MMP17: variants seen among roughly 807,000 people sequenced by gnomAD.
MMP17 encodes the protein matrix metallopeptidase 17.
In MMP17, 54 loss-of-function variants were observed where a neutral mutation model predicts 49.1. The observed-to-expected ratio is 1.10, with a 90% CI of 0.88 to 1.38. The LOEUF (loss-of-function observed/expected upper bound fraction) is 1.38, where lower values mean the gene tolerates loss of function less well. MMP17 is among the 40% of genes most tolerant of loss of function. The pLI, the probability that MMP17 is intolerant of heterozygous loss-of-function variation, is 0.00. For missense variants in MMP17, 837 were observed against 853.7 expected (o/e 0.98, Z 0.24); for synonymous variants, 397 against 383.1 (o/e 1.04, Z -0.42).
Position 131,846,144 on chromosome 12 carries a change from C to T in MMP17, c.1204+695C>T, listed in dbSNP as rs188799261. 1.6e-3 allele frequency among the ~76,000 whole-genome samples: 240 copies of T among 152,226 alleles called. No individual in the cohort carries two copies. The highest frequency in any genetic ancestry group is 5.0e-3 in the African/African-American group (206 of 41,530). The stretch of plus-strand genomic sequence containing the variant: ...GACCCCCATGCTGGGCTGAAACACC[C>T]GGAGTTTCCCTCACAGTCTGGAGGC... On this transcript the variant is annotated intron_variant, in intron 8 of 9. Transcript: ENST00000360564. This position sits in a 1 kb window ranked among gnomAD's most constrained non-coding sequence, Gnocchi z 4.6.
In MMP17 at chr12:131,846,996, G is replaced by A. The variant is rs769047922; in HGVS notation, c.1204+1547G>A. ...GATCCCTCCTGAAGGGACAGAGGCT[G>A]CAGCTACCTGGGAGGCTGAGGCAGG... On this transcript the variant is annotated intron_variant, in intron 8 of 9. Transcript: ENST00000360564. This position sits in a 1 kb window ranked among gnomAD's most constrained non-coding sequence, Gnocchi z 4.6. 4.6e-5 allele frequency among the ~76,000 whole-genome samples: 7 copies of A among 151,974 alleles called. No homozygotes were observed. In the South Asian group the frequency reaches 6.2e-4, roughly 14 times the overall value.
rs571271084 is a variant in MMP17 at position 131,830,013 on chromosome 12, AC to A, written c.159+1361del. Among the ~76,000 whole-genome samples the A allele has an allele frequency of 7.0e-3, 1,064 of 152,182 alleles. 15 individuals are homozygous for A. The highest frequency in any genetic ancestry group is 0.025 in the African/African-American group (1,025 of 41,518). On this transcript the variant is annotated intron_variant, in intron 1 of 9. Coordinates refer to ENST00000360564, the MANE Select transcript of MMP17 (RefSeq NM_016155.7). ...TCTCCCGGATCCCCCACTGAGAATC[AC>A]GCCCTGGGGGCCTGGGGTCTCCAGC...
intron 6 of MMP17, chr12:131,844,436 C>T (rs113904773): frequency 0.066 from 21,622 of 328,290 alleles, 1,190 homozygotes; most frequent in South Asian, 0.21. Context: ...GTGCCCCCAG[C>T]GGGAGGGATG....
Position 131,845,247 on chromosome 12 carries a change from T to G in MMP17, c.1051+47T>G, listed in dbSNP as rs373112575. ...CGGTTGGCTGAGGGCCATGGCCCAC[T>G]CTGGGTGCAGACCGTCTCTGCAGCC... is the stretch of plus-strand genomic sequence containing the variant. On this transcript the variant is annotated intron_variant, in intron 7 of 9. Transcript: ENST00000360564. 3 of 1,613,896 alleles carry G rather than the reference T, an allele frequency of 1.9e-6. No individual in the cohort carries two copies. In the South Asian group the frequency reaches 3.3e-5, roughly 18 times the overall value.
rs931384041 is a variant in MMP17 at position 131,851,644 on chromosome 12, C to T, written c.*370C>T. 9.1e-6 allele frequency: 2 copies of T among 220,566 alleles called. No homozygotes were observed. Among genetic ancestry groups the T allele is most frequent in the Non-Finnish European group, 8.9e-6 (1 of 112,410 alleles). The allele number at this position is 220,566 out of a possible 1,614,324, so 13.7% of individuals were successfully genotyped here. On this transcript the variant is annotated 3_prime_UTR_variant, in exon 10 of 10. Transcript: ENST00000360564. Reference sequence around the variant, plus strand: ...CCACACTGCTGCCTGGTGCTCCCGCCGGCCCACAGGGCCTCCGTCCCCAGG... The same window carrying T: ...CCACACTGCTGCCTGGTGCTCCCGCTGGCCCACAGGGCCTCCGTCCCCAGG...
chr12:131,832,522 G>C (rs993175900), intron 1 of MMP17, among the ~76,000 whole-genome samples: 1 of 152,038 alleles, frequency 6.6e-6, no homozygotes, highest in African/African-American at 2.4e-5. Flanking sequence ...CCCGTGGGAC[G>C]CTTGCCCTGG....
chr12:131,837,558 G>A (rs1887143246), intron 1 of MMP17, among the ~76,000 whole-genome samples: 1 of 152,230 alleles, frequency 6.6e-6, no homozygotes, highest in Admixed American at 6.5e-5. Flanking sequence ...TCAGCTGAGA[G>A]CCTGCATTTG....
At position 131,851,291 on chromosome 12, in the gene MMP17, A is replaced by G. The variant is rs1263039175; in HGVS notation, c.*17A>G. On this transcript the variant is annotated 3_prime_UTR_variant, in exon 10 of 10. Transcript: ENST00000360564. ...ACGCTATGACACACAGCGCGAGCCC[A>G]TGAGAGGACAGAGGCGGTGGGACAG... 2 of 1,383,104 alleles carry G rather than the reference A, an allele frequency of 1.4e-6. No individual in the cohort carries two copies. The highest frequency in any genetic ancestry group is 2.9e-5 in the East Asian group (1 of 34,050). 85.7% of individuals were successfully genotyped at this position (1,383,104 alleles called of 1,614,324 possible).
At chr12:131,843,065 G>C (rs1297522434) in intron 5 of MMP17, among the ~76,000 whole-genome samples, 1 of 151,818 alleles carries the variant, frequency 6.6e-6, no homozygotes, top group Non-Finnish European at 1.5e-5. Context: ...GCGCGATCTC[G>C]GCTCGCTGCG....
chr12:131,839,669 T>C (rs1447757655), intron 3 of MMP17, among the ~76,000 whole-genome samples: 1 of 151,966 alleles, frequency 6.6e-6, no homozygotes, highest in African/African-American at 2.4e-5. Flanking sequence ...GAGACAGGGC[T>C]GGGCATGGTG....
At position 131,830,778 on chromosome 12, in the gene MMP17, C is replaced by A. The variant is rs570981272; in HGVS notation, c.159+2125C>A. On this transcript the variant is annotated intron_variant, in intron 1 of 9. Transcript: ENST00000360564. The stretch of plus-strand genomic sequence containing the variant: ...GGAGGGCCCGCCCCGGAGCGCCCCC[C>A]GTATGCACGTGAACAAGGCCGGGAT... Among the ~76,000 whole-genome samples, 8 of 152,324 alleles carry A rather than the reference C, an allele frequency of 5.3e-5. 1 individual carries two copies. In the South Asian group the frequency reaches 1.4e-3, roughly 28 times the overall value.
chr12:131,838,113 G>C, intron 1 of MMP17, 82 bp from the exon 2 acceptor site: 1 of 1,480,894 alleles, frequency 6.8e-7, no homozygotes, highest in Non-Finnish European at 9.0e-7. Flanking sequence ...CTGCCCGGAA[G>C]CAGTGGTGGC....
At chr12:131,845,592 C>T (rs1322264379) in intron 8 of MMP17, 143 bp downstream of exon 8, 14 of 1,135,558 alleles carry the variant, frequency 1.2e-5, no homozygotes, top group Non-Finnish European at 1.2e-5. Flanking sequence ...TGCTTGTGCA[C>T]TCAGCAGATG....
At chr12:131,841,866 T>TGAGCAGAGCCCCCCC in intron 5 of MMP17, 66 bp downstream of exon 5, 1 of 1,469,088 alleles carries the variant, frequency 6.8e-7, no homozygotes, top group South Asian at 1.3e-5. Flanking sequence ...CAGGCACCCC[T>TGAGCAGAGCCCCCCC]GAGCAGAGCC....
Position 131,845,254 on chromosome 12 carries a change from G to A in MMP17, c.1052-43G>A, listed in dbSNP as rs1295686580. Reference sequence around the variant, plus strand: ...CTGAGGGCCATGGCCCACTCTGGGTGCAGACCGTCTCTGCAGCCCGGCCCT... The same window carrying A: ...CTGAGGGCCATGGCCCACTCTGGGTACAGACCGTCTCTGCAGCCCGGCCCT... On this transcript the variant is annotated intron_variant, in intron 7 of 9. Coordinates refer to ENST00000360564, the MANE Select transcript of MMP17 (RefSeq NM_016155.7). 5 of 1,613,672 alleles carry A rather than the reference G, an allele frequency of 3.1e-6. No homozygotes were observed. In the South Asian group the frequency reaches 5.5e-5, roughly 18 times the overall value.
chr12:131,839,811 G>C (rs1887291150), intron 3 of MMP17, among the ~76,000 whole-genome samples: 1 of 152,148 alleles, frequency 6.6e-6, no homozygotes, highest in African/African-American at 2.4e-5. Context: ...AGCTGGGTAT[G>C]GTGATGTGTG....
intron 1 of MMP17, among the ~76,000 whole-genome samples, chr12:131,835,299 G>A (rs536431795): frequency 5.3e-5 from 8 of 152,360 alleles, no homozygotes; most frequent in Admixed American, 2.6e-4. Context: ...TATCATGGGC[G>A]GGGCTGCCTG....
At chr12:131,841,986 A>T (rs1268949547) in intron 5 of MMP17, among the ~76,000 whole-genome samples, 186 bp downstream of exon 5, 1 of 152,186 alleles carries the variant, frequency 6.6e-6, no homozygotes, top group Non-Finnish European at 1.5e-5. Flanking sequence ...CAGAGCCCCT[A>T]GATCAGAATT....
chr12:131,828,513 C>G lies in MMP17; in HGVS notation c.19C>G (p.Arg7Gly), dbSNP rs1370449586. The change falls in exon 1 of 10, where the codon CGG (arginine) becomes GGG (glycine). Residue 7 changes from arginine to glycine, a missense_variant. Arg to Gly is a moderately radical substitution (Grantham distance 125). Coordinates refer to ENST00000360564, the MANE Select transcript of MMP17 (RefSeq NM_016155.7). ...GAGCGCCATGCGGCGCCGCGCAGCC[C>G]GGGGACCCGGCCCGCCGCCCCCAGG... MRRRAA[R>G]GPGPPPPGPG... 2.0e-6 allele frequency: 2 copies of G among 994,040 alleles called. No homozygotes were observed. Among genetic ancestry groups the G allele is most frequent in the Admixed American group, 6.1e-5 (1 of 16,306 alleles). 61.6% of individuals were successfully genotyped at this position (994,040 alleles called of 1,614,324 possible).
Sources: gnomAD v4.1 joint callset for allele counts (sites outside exome capture counted in the v4.1 genomes callset) on GRCh38, gnomAD v4.1.1 for gene constraint, Gnocchi (gnomAD v3.1) non-coding constraint, MANE v1.5 for transcripts, NCBI Gene and HGNC (gene_info 2026-07-23, HGNC 2026-07-21) for gene names.